Variants in NCAM2 observed in about 807,000 individuals in gnomAD.
The protein encoded by NCAM2 is N-CAM-2.
In NCAM2, 30 loss-of-function variants were observed where a neutral mutation model predicts 98.1. That is an observed-to-expected ratio of 0.31 (90% CI 0.23 to 0.41). NCAM2 has a LOEUF of 0.41. Among genes scored for constraint, NCAM2 ranks in the 10% least tolerant of loss-of-function variants. NCAM2 has a pLI of 1.00. For synonymous variants in NCAM2, 368 were observed against 342.4 expected, an observed-to-expected ratio of 1.07 and a Z score of -0.83; for missense variants, 867 against 1,005.8, an observed-to-expected ratio of 0.86 and a Z score of 1.87.
chr21:21,001,499 C>T (rs1407703112), intron 1 of NCAM2, among the ~76,000 whole-genome samples: 1 of 152,178 alleles, frequency 6.6e-6, no homozygotes, highest in Non-Finnish European at 1.5e-5. Flanking sequence ...TCATAAATCT[C>T]AAGTGATAAC....
chr21:21,072,038 G>A (rs1310775405), intron 1 of NCAM2, among the ~76,000 whole-genome samples: 2 of 148,748 alleles, frequency 1.3e-5, no homozygotes, highest in Admixed American at 6.6e-5. Flanking sequence ...TCAGCCTCCC[G>A]AGTAGCTGGG....
chr21:21,448,293 A>G (rs2146114368), intron 12 of NCAM2, among the ~76,000 whole-genome samples: 1 of 152,208 alleles, frequency 6.6e-6, no homozygotes, highest in South Asian at 2.1e-4. Flanking sequence ...TGACACAGGA[A>G]CAGAAAACCA....
At chr21:21,396,045 A>C (rs867132985) in intron 9 of NCAM2, among the ~76,000 whole-genome samples, 4 of 152,186 alleles carry the variant, frequency 2.6e-5, no homozygotes, top group Admixed American at 1.3e-4. Flanking sequence ...TTCTCTACAG[A>C]AAAAGAAATA....
chr21:21,011,763 AG>A (rs2064216117), intron 1 of NCAM2, among the ~76,000 whole-genome samples: 1 of 152,150 alleles, frequency 6.6e-6, no homozygotes, highest in East Asian at 1.9e-4. Flanking sequence ...AAAATATATA[AG>A]TAGTTCAGAT....
At chr21:21,420,080 G>A (rs1438391076) in intron 11 of NCAM2, among the ~76,000 whole-genome samples, 1 of 151,724 alleles carries the variant, frequency 6.6e-6, no homozygotes, top group Non-Finnish European at 1.5e-5. Context: ...GAATCCTGAT[G>A]AAAAAATTAA....
Position 21,469,013 on chromosome 21 carries a change from G to T in NCAM2, c.1896+230G>T, listed in dbSNP as rs192345544. 1.2e-4 allele frequency among the ~76,000 whole-genome samples: 18 copies of T among 151,724 alleles called. No individual in the cohort carries two copies. In the East Asian group the frequency reaches 3.5e-3, roughly 30 times the overall value. On this transcript the variant is annotated intron_variant, in intron 14 of 17. Transcript: ENST00000400546. ...CATGGTTTTCATCTTATGATTTTTA[G>T]GTGTGAAATGGGACTAGTAAACATT...
intron 1 of NCAM2, among the ~76,000 whole-genome samples, chr21:21,097,091 C>T (rs773830426): frequency 1.3e-5 from 2 of 151,702 alleles, no homozygotes; most frequent in Non-Finnish European, 3.0e-5. Flanking sequence ...TTTCATTATA[C>T]GTTTTTGGTA....
At chr21:21,168,124 A>G (rs1380074038) in intron 1 of NCAM2, among the ~76,000 whole-genome samples, 3 of 152,058 alleles carry the variant, frequency 2.0e-5, no homozygotes, top group Non-Finnish European at 4.4e-5. Context: ...AGTGGGACTT[A>G]CTCCGGGTGT....
intron 1 of NCAM2, among the ~76,000 whole-genome samples, chr21:21,155,885 A>T (rs977353324): frequency 2.6e-5 from 4 of 152,028 alleles, no homozygotes; most frequent in African/African-American, 9.7e-5. Flanking sequence ...ACTAGCAGAT[A>T]CTTTGGGAAA....
chr21:21,422,453 A>G (rs1046435368), intron 11 of NCAM2, among the ~76,000 whole-genome samples: 2 of 152,342 alleles, frequency 1.3e-5, no homozygotes, highest in Middle Eastern at 3.4e-3. Flanking sequence ...AAATAATATA[A>G]AAATGAAATA....
intron 1 of NCAM2, among the ~76,000 whole-genome samples, chr21:21,154,237 A>G (rs1448564941): frequency 6.6e-6 from 1 of 151,926 alleles, no homozygotes; most frequent in African/African-American, 2.4e-5. Flanking sequence ...TAGCATATCA[A>G]TTATATGAGG....
chr21:21,447,268 T>G (rs996829380), intron 12 of NCAM2, among the ~76,000 whole-genome samples: 1 of 152,138 alleles, frequency 6.6e-6, no homozygotes, highest in Non-Finnish European at 1.5e-5. Flanking sequence ...CCATTTGATA[T>G]TCTACAAACC....
chr21:21,051,053 TC>T (rs1407671683), intron 1 of NCAM2, among the ~76,000 whole-genome samples: 1 of 152,202 alleles, frequency 6.6e-6, no homozygotes, highest in African/African-American at 2.4e-5. Flanking sequence ...AAATAACCCT[TC>T]AATAAAAGAA....
chr21:21,530,410 G>T (rs2079197631), intron 16 of NCAM2, among the ~76,000 whole-genome samples: 1 of 147,684 alleles, frequency 6.8e-6, no homozygotes, highest in African/African-American at 2.5e-5. Context: ...AAAAATCAAA[G>T]AAATGTAAAA....
intron 12 of NCAM2, among the ~76,000 whole-genome samples, chr21:21,450,378 C>T (rs1008505050): frequency 3.3e-5 from 5 of 151,814 alleles, no homozygotes; most frequent in African/African-American, 1.2e-4. Context: ...GGGTTTCGCT[C>T]TATCACCCAG....
At chr21:21,264,988 G>A (rs1275041161) in intron 1 of NCAM2, among the ~76,000 whole-genome samples, 1 of 81,730 alleles carries the variant, frequency 1.2e-5, no homozygotes. Context: ...TATTATATAT[G>A]TGTATGTGTA....
At chr21:21,524,721 C>T (rs1324188979) in intron 16 of NCAM2, among the ~76,000 whole-genome samples, 1 of 152,224 alleles carries the variant, frequency 6.6e-6, no homozygotes, top group East Asian at 1.9e-4. Flanking sequence ...ATACACTTCT[C>T]AAGCTTGCCT....
intron 9 of NCAM2, among the ~76,000 whole-genome samples, chr21:21,398,830 T>C (rs746115417): frequency 2.0e-5 from 3 of 152,144 alleles, no homozygotes; most frequent in Non-Finnish European, 4.4e-5. Context: ...GCTTTTAAAA[T>C]TGACACCCTA....
chr21:21,483,530 A>G (rs1204733370), intron 15 of NCAM2, among the ~76,000 whole-genome samples: 2 of 152,116 alleles, frequency 1.3e-5, no homozygotes, highest in African/African-American at 2.4e-5. Flanking sequence ...TCATCACTAG[A>G]TAATTCAACA....
Sources: allele counts gnomAD v4.1 joint callset (sites outside exome capture counted in the v4.1 genomes callset), GRCh38; gene constraint gnomAD v4.1.1; transcripts MANE v1.5; gene names NCBI Gene and HGNC (gene_info 2026-07-23, HGNC 2026-07-21).